The following PTPN1 variants were observed in gnomAD, a reference collection of about 807,000 sequenced individuals.
The protein encoded by PTPN1 is protein tyrosine phosphatase non-receptor type 1, also known as tyrosine-protein phosphatase non-receptor type 1.
Under a neutral mutation model 59.9 loss-of-function variants are expected in PTPN1, and 12 were observed. That is an observed-to-expected ratio of 0.20 (90% CI 0.13 to 0.32). The LOEUF is 0.32. PTPN1 is among the 10% of genes least tolerant of loss of function. PTPN1 has a pLI of 1.00. For missense variants in PTPN1, 356 were observed against 549.2 expected (o/e 0.65, Z 3.52); for synonymous variants, 178 against 203.6 (o/e 0.87, Z 1.07).
intron 1 of PTPN1, among the ~76,000 whole-genome samples, chr20:50,545,214 C>T (rs928674062): frequency 6.6e-6 from 1 of 152,140 alleles, no homozygotes; most frequent in Admixed American, 6.5e-5. Flanking sequence ...CGTCAGCCCC[C>T]CAAAGTGTTG....
At chr20:50,537,096 A>G (rs770297195) in intron 1 of PTPN1, among the ~76,000 whole-genome samples, 1 of 152,132 alleles carries the variant, frequency 6.6e-6, no homozygotes, top group African/African-American at 2.4e-5. Context: ...AGGCCGAGGC[A>G]GGCAGATCAT....
At chr20:50,581,052 G>A (rs1055130920) in intron 8 of PTPN1, among the ~76,000 whole-genome samples, 7 of 152,148 alleles carry the variant, frequency 4.6e-5, no homozygotes, top group Admixed American at 4.6e-4. Context: ...TGAAGTACCT[G>A]GGGGAGGGGG....
chr20:50,510,742 C>G, intron 1 of PTPN1, 152 bp downstream of exon 1: 1 of 869,222 alleles, frequency 1.2e-6, no homozygotes, highest in South Asian at 2.1e-5. Context: ...ACTGCGTCCC[C>G]CCACCCTTTG....
At chr20:50,526,611 A>G (rs955814626) in intron 1 of PTPN1, among the ~76,000 whole-genome samples, 5 of 152,086 alleles carry the variant, frequency 3.3e-5, no homozygotes, top group African/African-American at 1.2e-4. Context: ...CCTACTGTTA[A>G]GCTCAGACCT....
At chr20:50,543,263 C>T (rs1295144237) in intron 1 of PTPN1, among the ~76,000 whole-genome samples, 1 of 152,196 alleles carries the variant, frequency 6.6e-6, no homozygotes, top group Non-Finnish European at 1.5e-5. Context: ...TCTTTCCTTA[C>T]AGAAGGACAA....
At chr20:50,522,914 C>T (rs572363106) in intron 1 of PTPN1, among the ~76,000 whole-genome samples, 9 of 138,538 alleles carry the variant, frequency 6.5e-5, no homozygotes, top group South Asian at 2.3e-4. Context: ...CCACGATGCC[C>T]GGCTAATTTT....
chr20:50,560,046 G>T (rs1164776617), intron 1 of PTPN1, among the ~76,000 whole-genome samples: 2 of 152,104 alleles, frequency 1.3e-5, no homozygotes, highest in Non-Finnish European at 2.9e-5. Context: ...GCTGCCAGTT[G>T]TGCATTCTGA....
chr20:50,511,602 C>G, intron 1 of PTPN1, among the ~76,000 whole-genome samples: 1 of 152,122 alleles, frequency 6.6e-6, no homozygotes, highest in Non-Finnish European at 1.5e-5. Flanking sequence ...GGAGTCATCT[C>G]CTTGTGTGTT....
chr20:50,534,081 G>A (rs979498159), intron 1 of PTPN1, among the ~76,000 whole-genome samples: 1 of 152,014 alleles, frequency 6.6e-6, no homozygotes, highest in African/African-American at 2.4e-5. Context: ...ACAGGCATGC[G>A]CCACCATGCC....
At chr20:50,557,228 A>G (rs1395192807) in intron 1 of PTPN1, among the ~76,000 whole-genome samples, 1 of 152,006 alleles carries the variant, frequency 6.6e-6, no homozygotes, top group Admixed American at 6.5e-5. Context: ...AAATTTATAA[A>G]TTCTTTTTAT....
intron 4 of PTPN1, chr20:50,572,787 G>T (rs1480809154): frequency 6.6e-6 from 1 of 152,194 alleles, no homozygotes; most frequent in Admixed American, 6.5e-5. Flanking sequence ...ATTCTTCTAA[G>T]TTCCTGCTTT....
chr20:50,527,290 C>G (rs1601389626), intron 1 of PTPN1, among the ~76,000 whole-genome samples: 1 of 152,142 alleles, frequency 6.6e-6, no homozygotes. Context: ...CTTCCAGTCA[C>G]TCTGTGTGTT....
At chr20:50,575,791 C>T (rs376863076) in intron 5 of PTPN1, among the ~76,000 whole-genome samples, 1 of 152,014 alleles carries the variant, frequency 6.6e-6, no homozygotes, top group South Asian at 2.1e-4. Context: ...AGTCAGACAT[C>T]GTGGTGCTCC....
In PTPN1 at chr20:50,529,913, C is replaced by T. The variant is rs560244147; in HGVS notation, c.63+19323C>T. ...TTTTTGAGACAGAGTCTTGCTCTGT[C>T]GCCCAGGCTGGAGTGCAGTGGCTCA... is the stretch of plus-strand genomic sequence containing the variant. On this transcript the variant is annotated intron_variant, in intron 1 of 9. Transcript: ENST00000371621. 1.5e-4 allele frequency among the ~76,000 whole-genome samples: 23 copies of T among 152,168 alleles called. No individual in the cohort carries two copies. The South Asian group carries it at 3.9e-3, about 26-fold the overall frequency.
At position 50,568,252 on chromosome 20, in the gene PTPN1, C is replaced by A; in HGVS notation, c.256-128C>A. The A allele has an allele frequency of 4.0e-6, 3 of 747,628 alleles. No individual in the cohort carries two copies. The highest frequency in any genetic ancestry group is 1.6e-5 in the South Asian group (1 of 62,094). The allele number at this position is 747,628 out of a possible 1,614,324, so 46.3% of individuals were successfully genotyped here. ...AGAGAGAGGTGGGTCCCTGTCCCAG[C>A]CTCAGCCACCACTCTGCCTAAGCTG... On this transcript the variant is annotated intron_variant, in intron 3 of 9. Transcript: ENST00000371621. This position sits in a 1 kb window ranked among gnomAD's most constrained non-coding sequence, Gnocchi z 5.6.
chr20:50,537,366 CAGAG>C (rs976181714), intron 1 of PTPN1, among the ~76,000 whole-genome samples: 4 of 151,970 alleles, frequency 2.6e-5, no homozygotes, highest in Admixed American at 1.3e-4. Flanking sequence ...AAAAATAAAA[CAGAG>C]AGATCCCATG....
intron 5 of PTPN1, among the ~76,000 whole-genome samples, chr20:50,575,441 G>A (rs1190667104): frequency 6.6e-6 from 1 of 152,180 alleles, no homozygotes; most frequent in Non-Finnish European, 1.5e-5. Context: ...GTCCTATACG[G>A]GAAGGGTTAG....
chr20:50,567,843 C>G (rs1369793854), intron 3 of PTPN1, among the ~76,000 whole-genome samples: 1 of 152,196 alleles, frequency 6.6e-6, no homozygotes, highest in Non-Finnish European at 1.5e-5. Context: ...AGGGACTGTG[C>G]TAAGTACTTT....
intron 2 of PTPN1, 48 bp from the exon 3 acceptor site, chr20:50,564,921 C>T (rs1601409201): frequency 7.5e-6 from 12 of 1,610,700 alleles, no homozygotes; most frequent in Non-Finnish European, 9.3e-6. Flanking sequence ...TGTATGTACA[C>T]ATTCAGCTTT....
Sources: gnomAD v4.1 joint callset for allele counts (sites outside exome capture counted in the v4.1 genomes callset) on GRCh38, gnomAD v4.1.1 for gene constraint, Gnocchi (gnomAD v3.1) non-coding constraint, MANE v1.5 for transcripts, NCBI Gene and HGNC (gene_info 2026-07-23, HGNC 2026-07-21) for gene names.